The following FAM13C variants were observed in gnomAD, a reference collection of about 807,000 sequenced individuals.
FAM13C encodes protein FAM13C.
Under a neutral mutation model 73.2 loss-of-function variants are expected in FAM13C, and 37 were observed. The observed-to-expected ratio is 0.51, with a 90% confidence interval of 0.39 to 0.67. The LOEUF (loss-of-function observed/expected upper bound fraction) is 0.67, where lower values mean the gene tolerates loss of function less well. Ranked by LOEUF, FAM13C falls within the 30% of genes least tolerant of loss-of-function variation. FAM13C has a pLI of 0.00. For synonymous variants in FAM13C, 246 were observed against 260.9 expected, an observed-to-expected ratio of 0.94 and a Z score of 0.55; for missense variants, 589 against 715.6, an observed-to-expected ratio of 0.82 and a Z score of 2.02.
At chr10:59,302,651 A>G (rs1847732457) in intron 5 of FAM13C, 150 bp downstream of exon 5, 1 of 685,722 alleles carries the variant, frequency 1.5e-6, no homozygotes, top group Non-Finnish European at 2.4e-6. Flanking sequence ...AACATTACCA[A>G]TTGAACAAAG....
intron 3 of FAM13C, among the ~76,000 whole-genome samples, chr10:59,349,706 T>G (rs1854776963): frequency 6.6e-6 from 1 of 152,174 alleles, no homozygotes; most frequent in East Asian, 1.9e-4. Flanking sequence ...GAGGTTGCAG[T>G]GAGCCATGAT....
chr10:59,260,235 T>G (rs1303447004), intron 10 of FAM13C, among the ~76,000 whole-genome samples: 1 of 152,214 alleles, frequency 6.6e-6, no homozygotes. Flanking sequence ...TCCCCTGTGA[T>G]GTATCCTCCA....
intron 5 of FAM13C, among the ~76,000 whole-genome samples, chr10:59,298,255 G>A (rs1847151593): frequency 6.6e-6 from 1 of 152,170 alleles, no homozygotes; most frequent in Non-Finnish European, 1.5e-5. Flanking sequence ...ATCCATGTAA[G>A]GCCACCAAAG....
chr10:59,287,660 T>G (rs1490702813), intron 5 of FAM13C, among the ~76,000 whole-genome samples: 1 of 152,212 alleles, frequency 6.6e-6, no homozygotes, highest in East Asian at 1.9e-4. Flanking sequence ...TAATGTCCTC[T>G]GTATAAAGGG....
At chr10:59,343,780 A>T (rs1314242860) in intron 3 of FAM13C, among the ~76,000 whole-genome samples, 1 of 152,178 alleles carries the variant, frequency 6.6e-6, no homozygotes, top group East Asian at 1.9e-4. Context: ...AATGATGGTT[A>T]TGTACCATGT....
intron 4 of FAM13C, among the ~76,000 whole-genome samples, chr10:59,322,301 A>G (rs944003711): frequency 6.6e-6 from 1 of 152,222 alleles, no homozygotes; most frequent in Admixed American, 6.5e-5. Context: ...AGTACTAGAC[A>G]TAACTGCCCT....
chr10:59,331,243 G>T (rs141756952), intron 3 of FAM13C, among the ~76,000 whole-genome samples: 150 of 152,302 alleles, frequency 9.8e-4, no homozygotes, highest in African/African-American at 3.1e-3. Context: ...GATGCTTTGA[G>T]AACATATAGG....
intron 5 of FAM13C, among the ~76,000 whole-genome samples, chr10:59,291,660 C>T (rs1006343837): frequency 6.2e-5 from 2 of 32,082 alleles, no homozygotes; most frequent in Non-Finnish European, 2.5e-4. Flanking sequence ...TAAATGACTT[C>T]AACCTGGAAA....
intron 4 of FAM13C, among the ~76,000 whole-genome samples, chr10:59,313,579 A>G (rs1484404122): frequency 6.6e-6 from 1 of 152,154 alleles, no homozygotes; most frequent in African/African-American, 2.4e-5. Flanking sequence ...GCGAGTCCAA[A>G]TCACTGGAAT....
intron 4 of FAM13C, among the ~76,000 whole-genome samples, chr10:59,305,641 T>C (rs981237081): frequency 6.6e-6 from 1 of 152,298 alleles, no homozygotes; most frequent in Admixed American, 6.5e-5. Flanking sequence ...TTTTTTTTAC[T>C]CTACAAGCTT....
Position 59,246,470 on chromosome 10 carries a change from T to A in FAM13C, c.*1144A>T, listed in dbSNP as rs1274247044. ...TAAGAGAATGTGAATTTCTTCAACATCATACTTAAACATTACAGAAAATAG... is the reference window on the plus strand; with the variant it reads ...TAAGAGAATGTGAATTTCTTCAACAACATACTTAAACATTACAGAAAATAG... On this transcript the variant is annotated 3_prime_UTR_variant, in exon 14 of 14. Transcript: ENST00000618804. The A allele has an allele frequency of 2.6e-6, 1 of 383,774 alleles. No homozygotes were observed. The allele number at this position is 383,774 out of a possible 1,614,324, so 23.8% of individuals were successfully genotyped here.
At chr10:59,308,382 TACC>T (rs766366524) in intron 4 of FAM13C, among the ~76,000 whole-genome samples, 17 of 137,148 alleles carry the variant, frequency 1.2e-4, no homozygotes, top group Non-Finnish European at 8.0e-5. Flanking sequence ...CCACCACCAT[TACC>T]ACCACCATCA....
chr10:59,326,814 C>G (rs1851212147), intron 3 of FAM13C, among the ~76,000 whole-genome samples: 2 of 152,154 alleles, frequency 1.3e-5, no homozygotes, highest in African/African-American at 4.8e-5. Flanking sequence ...ACAGACCTCT[C>G]TAGTCTGCCC....
intron 1 of FAM13C, among the ~76,000 whole-genome samples, chr10:59,360,449 G>A (rs1856252989): frequency 6.6e-6 from 1 of 152,142 alleles, no homozygotes. Context: ...CCTCCTCCGT[G>A]TAGGCCAAGA....
intron 3 of FAM13C, among the ~76,000 whole-genome samples, chr10:59,337,667 C>CTTTTTT (rs3078327): frequency 1.8e-4 from 13 of 71,024 alleles, no homozygotes; most frequent in African/African-American, 4.7e-4. Context: ...TTTTCTTTTT[C>CTTTTTT]TTTTTTTTTT....
rs752605829 is a variant in FAM13C, at chr10:59,283,369, A to G, written c.586T>C (p.Ser196Pro). 1 of 1,614,146 alleles carries G rather than the reference A, an allele frequency of 6.2e-7. No individual in the cohort carries two copies. The highest frequency in any genetic ancestry group is 1.1e-5 in the South Asian group (1 of 91,078). Residue 196 changes from serine to proline, a missense_variant, in exon 6 of 14, where the codon TCT (serine) becomes CCT (proline). Physicochemically the swap from Ser to Pro is moderately conservative, Grantham distance 74 (BLOSUM62 -1). Coordinates refer to ENST00000618804, the MANE Select transcript of FAM13C (RefSeq NM_198215.4). ...CCCCAGCCCTGTATCTTACCTGCAG[A>G]ATCTGTCCCATCGGCAAGCACGCTC... Reference protein sequence around the residue: ...TQSVLADGTDSADPSPVHKDG... With the variant: ...TQSVLADGTDPADPSPVHKDG...
chr10:59,351,712 A>G (rs758041857), intron 3 of FAM13C, among the ~76,000 whole-genome samples: 31 of 152,182 alleles, frequency 2.0e-4, no homozygotes, highest in Admixed American at 7.8e-4. Context: ...TCAAAGTCCA[A>G]TCTCCAGGCG....
At chr10:59,346,052 A>C (rs1854249036) in intron 3 of FAM13C, among the ~76,000 whole-genome samples, 1 of 152,208 alleles carries the variant, frequency 6.6e-6, no homozygotes, top group Non-Finnish European at 1.5e-5. Flanking sequence ...GGTTTATTTT[A>C]GCTTTCCAGT....
intron 12 of FAM13C, 111 bp from the exon 13 acceptor site, chr10:59,251,787 C>T: frequency 1.3e-6 from 1 of 792,248 alleles, no homozygotes. Flanking sequence ...AAAGTGTTCC[C>T]ATCATAAGAG....
Sources: allele counts gnomAD v4.1 joint callset (sites outside exome capture counted in the v4.1 genomes callset), GRCh38; gene constraint gnomAD v4.1.1; transcripts MANE v1.5; gene names NCBI Gene and HGNC (gene_info 2026-07-23, HGNC 2026-07-21).